Variants in FOXP1 observed in about 807,000 individuals in gnomAD.
FOXP1 encodes forkhead box protein P1.
In FOXP1, 15 loss-of-function variants were observed where a neutral mutation model predicts 98.2. The ratio of observed to expected loss-of-function variants is 0.15; its 90% CI spans 0.10 to 0.24. FOXP1 has a LOEUF of 0.24. Among genes scored for constraint, FOXP1 ranks in the 10% least tolerant of loss-of-function variants. FOXP1 has a pLI of 1.00. For synonymous variants in FOXP1, 371 were observed against 314.5 expected, an observed-to-expected ratio of 1.18 and a Z score of -1.90; for missense variants, 633 against 848.5, an observed-to-expected ratio of 0.75 and a Z score of 3.15.
intron 7 of FOXP1, among the ~76,000 whole-genome samples, chr3:71,085,935 G>A (rs979603202): frequency 2.0e-5 from 3 of 151,208 alleles, no homozygotes; most frequent in Non-Finnish European, 3.0e-5. Flanking sequence ...TCACCATGTT[G>A]GCCAGGATGG....
chr3:71,265,542 A>T (rs1252822267), intron 5 of FOXP1, among the ~76,000 whole-genome samples: 1 of 152,206 alleles, frequency 6.6e-6, no homozygotes, highest in Non-Finnish European at 1.5e-5. Flanking sequence ...CAGATGTGAG[A>T]CAAAGATACC....
intron 10 of FOXP1, among the ~76,000 whole-genome samples, chr3:71,043,072 T>C (rs1331451664): frequency 6.6e-6 from 1 of 152,166 alleles, no homozygotes; most frequent in Non-Finnish European, 1.5e-5. Context: ...TTCCCCGCCT[T>C]TCTGAGAGGA....
intron 7 of FOXP1, among the ~76,000 whole-genome samples, chr3:71,065,093 G>GC: frequency 6.7e-6 from 1 of 148,780 alleles, no homozygotes; most frequent in African/African-American, 2.4e-5. Flanking sequence ...GCGCCCGCGC[G>GC]CCCCGGCCCC....
intron 2 of FOXP1, among the ~76,000 whole-genome samples, chr3:71,555,917 G>A (rs1272773941): frequency 6.6e-6 from 1 of 151,700 alleles, no homozygotes; most frequent in African/African-American, 2.4e-5. Context: ...GAAAAAAGAG[G>A]AGGAAGAGAA....
intron 6 of FOXP1, among the ~76,000 whole-genome samples, chr3:71,188,677 A>G (rs2062795241): frequency 6.6e-6 from 1 of 152,170 alleles, no homozygotes; most frequent in African/African-American, 2.4e-5. Context: ...CTCGCCCTCC[A>G]AAGGGGATTA....
chr3:71,280,126 CAAAAA>C (rs56674677), intron 5 of FOXP1, among the ~76,000 whole-genome samples: 35 of 106,196 alleles, frequency 3.3e-4, no homozygotes, highest in African/African-American at 1.2e-3. Flanking sequence ...CTGTCTCAAA[CAAAAA>C]AAAAAAAAAA....
chr3:71,381,552 G>T (rs1291974063), intron 3 of FOXP1, among the ~76,000 whole-genome samples: 1 of 146,286 alleles, frequency 6.8e-6, no homozygotes, highest in East Asian at 2.1e-4. Context: ...CAAGTGAGCC[G>T]CCTACCTCAG....
rs550079607 is a variant in FOXP1 at position 71,042,237 on chromosome 3, T to C, written c.665-705A>G. Among the ~76,000 whole-genome samples, 125 of 152,312 alleles carry C rather than the reference T, an allele frequency of 8.2e-4. 5 individuals are homozygous for C. In the South Asian group the frequency reaches 0.018, roughly 22 times the overall value. On this transcript the variant is annotated intron_variant, in intron 10 of 20. Transcript: ENST00000649528. ...TTCTTAGATCAATGGTAATGAACCA[T>C]TGCAGAATAAAATGCAAACGTAAAA...
chr3:71,384,773 T>C (rs1281447258), intron 3 of FOXP1, among the ~76,000 whole-genome samples: 1 of 152,232 alleles, frequency 6.6e-6, no homozygotes, highest in East Asian at 1.9e-4. Context: ...TTTTTAATTT[T>C]AAGGTGTTCC....
chr3:71,276,192 C>G (rs2107346432), intron 5 of FOXP1: 1 of 152,260 alleles, frequency 6.6e-6, no homozygotes, highest in Admixed American at 6.5e-5. Context: ...CATGTTCTCC[C>G]TTTTCTAAGC....
chr3:71,289,600 G>A (rs891918087), intron 5 of FOXP1: 3 of 152,048 alleles, frequency 2.0e-5, no homozygotes, highest in Non-Finnish European at 2.9e-5. Context: ...GATCTTTCCT[G>A]TTCTCAATAT....
intron 2 of FOXP1, among the ~76,000 whole-genome samples, chr3:71,549,761 A>G (rs1350455569): frequency 6.6e-6 from 1 of 151,874 alleles, no homozygotes; most frequent in South Asian, 2.1e-4. Context: ...CTCAATTTCA[A>G]CTGTAACATC....
intron 13 of FOXP1, among the ~76,000 whole-genome samples, chr3:70,990,843 T>C (rs1394136585): frequency 1.3e-5 from 2 of 152,160 alleles, no homozygotes; most frequent in Non-Finnish European, 2.9e-5. Context: ...GTTAAGGATG[T>C]GGACACAACA....
intron 3 of FOXP1, among the ~76,000 whole-genome samples, chr3:71,429,895 C>A (rs574660526): frequency 6.6e-6 from 1 of 152,218 alleles, no homozygotes; most frequent in African/African-American, 2.4e-5. Context: ...AACCTCAAGA[C>A]AAGCCCATTA....
intron 5 of FOXP1, among the ~76,000 whole-genome samples, chr3:71,287,052 T>C (rs900612541): frequency 2.6e-5 from 4 of 152,166 alleles, no homozygotes; most frequent in East Asian, 3.8e-4. Flanking sequence ...GCTTTAAAAA[T>C]AAGATGTAGA....
intron 3 of FOXP1, among the ~76,000 whole-genome samples, chr3:71,375,078 G>A (rs1182003421): frequency 1.3e-5 from 2 of 152,188 alleles, no homozygotes; most frequent in African/African-American, 2.4e-5. Context: ...AGAGTTAAAT[G>A]CCCAAATAAA....
intron 3 of FOXP1, among the ~76,000 whole-genome samples, chr3:71,404,062 A>T (rs2082120318): frequency 6.6e-6 from 1 of 150,408 alleles, no homozygotes; most frequent in Non-Finnish European, 1.5e-5. Flanking sequence ...TAATTACCTT[A>T]GAGGAGGGGA....
chr3:71,583,946 G>A (rs1022457183), upstream of FOXP1: 10 of 983,196 alleles, frequency 1.0e-5, no homozygotes, highest in Non-Finnish European at 1.2e-5. Context: ...GAGCGGGAGC[G>A]GCTCCCTCTT....
At chr3:70,987,789 C>T (rs1328621653) in intron 14 of FOXP1, among the ~76,000 whole-genome samples, 1 of 152,226 alleles carries the variant, frequency 6.6e-6, no homozygotes, top group Non-Finnish European at 1.5e-5. Flanking sequence ...AGGACCATAT[C>T]TGAATCATCC....
Sources: gnomAD v4.1 joint callset for allele counts (sites outside exome capture counted in the v4.1 genomes callset) on GRCh38, gnomAD v4.1.1 for gene constraint, MANE v1.5 for transcripts, NCBI Gene and HGNC (gene_info 2026-07-23, HGNC 2026-07-21) for gene names.